FOXP2: variants seen among roughly 807,000 people sequenced by gnomAD.
FOXP2 encodes forkhead box P2.
FOXP2 carries 12 observed loss-of-function variants against 115.8 expected under a neutral mutation model. The observed-to-expected ratio is 0.10, with a 90% CI of 0.07 to 0.17. The LOEUF is 0.17. FOXP2 is among the 10% of genes least tolerant of loss of function. The pLI is 1.00. For synonymous variants in FOXP2, 328 were observed against 297.7 expected, an observed-to-expected ratio of 1.10 and a Z score of -1.05; for missense variants, 629 against 843.5, an observed-to-expected ratio of 0.75 and a Z score of 3.15.
chr7:114,335,402 G>T (rs1015260763), intron 2 of FOXP2, among the ~76,000 whole-genome samples: 29 of 151,780 alleles, frequency 1.9e-4, no homozygotes, highest in African/African-American at 7.0e-4. Context: ...AGATCACAAA[G>T]AAACAATTTA....
chr7:114,690,115 T>C lies in FOXP2; in HGVS notation c.*189T>C, dbSNP rs1359618262. The C allele has an allele frequency of 3.2e-6, 2 of 628,624 alleles. No individual in the cohort carries two copies. The highest frequency in any genetic ancestry group is 5.5e-6 in the Non-Finnish European group (2 of 360,630). The allele number at this position is 628,624 out of a possible 1,614,324, so 38.9% of individuals were successfully genotyped here. ...ACCAACAGGCAAATTGCTTGTTTTC[T>C]TCTTCTTCTTCTTCTTTTTTTTTTT... On this transcript the variant is annotated 3_prime_UTR_variant, in exon 17 of 17. Transcript: ENST00000350908.
chr7:114,503,060 C>G (rs1797638480), intron 2 of FOXP2, among the ~76,000 whole-genome samples: 1 of 151,988 alleles, frequency 6.6e-6, no homozygotes, highest in African/African-American at 2.4e-5. Context: ...TTTTCCTCTG[C>G]TCAGGCATGG....
chr7:114,092,403 G>C (rs1799559727), intron 1 of FOXP2, among the ~76,000 whole-genome samples: 1 of 151,334 alleles, frequency 6.6e-6, no homozygotes, highest in Non-Finnish European at 1.5e-5. Context: ...AGATTTTCTG[G>C]TATTTAATTT....
intron 1 of FOXP2, among the ~76,000 whole-genome samples, chr7:114,173,621 C>A (rs1348759375): frequency 6.7e-6 from 1 of 148,958 alleles, no homozygotes; most frequent in Admixed American, 6.7e-5. Flanking sequence ...TTTTTTGTTT[C>A]TCTGAAAACT....
At chr7:114,647,829 G>T (rs758059175) in intron 8 of FOXP2, among the ~76,000 whole-genome samples, 24 of 152,000 alleles carry the variant, frequency 1.6e-4, no homozygotes, top group Non-Finnish European at 3.1e-4. Context: ...AAGCCAAAAG[G>T]TTTACAATAT....
chr7:114,574,733 A>G (rs550851483), intron 3 of FOXP2, among the ~76,000 whole-genome samples: 13 of 152,000 alleles, frequency 8.6e-5, no homozygotes, highest in Admixed American at 3.9e-4. Flanking sequence ...TCTGCCAGTT[A>G]GTTCTAACTG....
At chr7:114,296,182 T>C (rs1244420405) in intron 2 of FOXP2, among the ~76,000 whole-genome samples, 1 of 152,258 alleles carries the variant, frequency 6.6e-6, no homozygotes, top group Non-Finnish European at 1.5e-5. Flanking sequence ...GCCATGTTAT[T>C]TTTGGTGTTA....
chr7:114,506,909 G>A (rs1797846788), intron 2 of FOXP2, among the ~76,000 whole-genome samples: 1 of 151,710 alleles, frequency 6.6e-6, no homozygotes, highest in African/African-American at 2.4e-5. Context: ...GTGGGCTAAT[G>A]TATGTCTGCT....
chr7:114,525,664 G>A (rs1252803269), intron 2 of FOXP2, among the ~76,000 whole-genome samples: 1 of 152,086 alleles, frequency 6.6e-6, no homozygotes, highest in African/African-American at 2.4e-5. Context: ...TCCACTGTGA[G>A]CTCTTTCCAT....
intron 9 of FOXP2, chr7:114,653,415 T>A: frequency 5.7e-6 from 1 of 175,076 alleles, no homozygotes; most frequent in South Asian, 1.4e-4. Flanking sequence ...AGTTCAGCGT[T>A]TCACACTGCC....
intron 2 of FOXP2, among the ~76,000 whole-genome samples, chr7:114,302,914 A>C (rs1442476183): frequency 6.6e-6 from 1 of 152,096 alleles, no homozygotes; most frequent in Admixed American, 6.6e-5. Context: ...CGGTCCTACA[A>C]ATCCAGGAAT....
intron 2 of FOXP2, among the ~76,000 whole-genome samples, chr7:114,513,309 TG>T (rs1798166364): frequency 6.6e-6 from 1 of 152,168 alleles, no homozygotes; most frequent in Non-Finnish European, 1.5e-5. Context: ...TTCCATGCTT[TG>T]TGTAATGCAT....
intron 8 of FOXP2, among the ~76,000 whole-genome samples, chr7:114,646,263 C>G (rs1039774211): frequency 3.3e-5 from 5 of 151,932 alleles, no homozygotes; most frequent in Non-Finnish European, 7.4e-5. Flanking sequence ...ACTCACCATG[C>G]ATTTTATTGC....
At chr7:114,278,083 T>C (rs933741173) in intron 1 of FOXP2, among the ~76,000 whole-genome samples, 2 of 141,410 alleles carry the variant, frequency 1.4e-5, no homozygotes, top group Non-Finnish European at 3.1e-5. Context: ...AGTAAGATAC[T>C]AGAATCAAAT....
At chr7:114,217,513 G>A (rs890872591) in intron 1 of FOXP2, among the ~76,000 whole-genome samples, 1 of 151,760 alleles carries the variant, frequency 6.6e-6, no homozygotes, top group African/African-American at 2.4e-5. Context: ...TTTTCCTATA[G>A]GCAGAGAAAC....
At chr7:114,120,205 C>T (rs1056101578) in intron 1 of FOXP2, among the ~76,000 whole-genome samples, 9 of 152,050 alleles carry the variant, frequency 5.9e-5, no homozygotes, top group Admixed American at 2.0e-4. Context: ...TCAAGTTGAT[C>T]AATGTGGCTA....
At chr7:114,145,042 A>G (rs780183563) in intron 1 of FOXP2, among the ~76,000 whole-genome samples, 3 of 152,182 alleles carry the variant, frequency 2.0e-5, no homozygotes, top group African/African-American at 4.8e-5. Context: ...GCAGCATTAG[A>G]TTAAAGCAGG....
intron 2 of FOXP2, among the ~76,000 whole-genome samples, chr7:114,478,788 A>G (rs906341270): frequency 2.6e-5 from 4 of 151,722 alleles, no homozygotes; most frequent in African/African-American, 9.7e-5. Context: ...GAACTAACAC[A>G]ACACCACGTT....
chr7:114,481,686 TC>T (rs1421830440), intron 2 of FOXP2, among the ~76,000 whole-genome samples: 1 of 151,222 alleles, frequency 6.6e-6, no homozygotes, highest in Non-Finnish European at 1.5e-5. Context: ...TCTAGGAAAT[TC>T]CCCCAGAGTA....
Sources: gnomAD v4.1 joint callset for allele counts (sites outside exome capture counted in the v4.1 genomes callset) on GRCh38, gnomAD v4.1.1 for gene constraint, MANE v1.5 for transcripts, NCBI Gene and HGNC (gene_info 2026-07-23, HGNC 2026-07-21) for gene names.